MRNIP: variants seen among roughly 807,000 people sequenced by gnomAD.
MRNIP encodes the protein MRN complex interacting protein, also known as MRN complex-interacting protein.
Under a neutral mutation model 29.8 loss-of-function variants are expected in MRNIP, and 30 were observed. The observed-to-expected ratio is 1.01, with a 90% CI of 0.75 to 1.36. The LOEUF (loss-of-function observed/expected upper bound fraction) is 1.36. Ranked by LOEUF, MRNIP falls within the 40% of genes most tolerant of loss-of-function variation. The probability of loss-of-function intolerance (pLI) is 0.00; values close to 1 mark genes in which losing one functional copy is unlikely to be tolerated. For synonymous variants in MRNIP, 201 were observed against 164.1 expected (o/e 1.23, Z -1.72); for missense variants, 459 against 423.5 (o/e 1.08, Z -0.74).
In MRNIP at chr5:179,837,674, A is replaced by G; in HGVS notation, c.749T>C (p.Leu250Pro). 1 of 1,614,170 alleles carries G rather than the reference A, an allele frequency of 6.2e-7. No individual in the cohort carries two copies. Among genetic ancestry groups the G allele is most frequent in the Non-Finnish European group, 8.5e-7 (1 of 1,180,026 alleles). ...SHVDSEQPRS[L>P]QRDPRPAGPA... The stretch of plus-strand genomic sequence containing the variant: ...ACCAGCTGGCCTGGGGTCCCTCTGA[A>G]GAGACCTTGGCTGCTCACTGTCCAC... The change falls in exon 7 of 7, where the codon CTT becomes CCT. Residue 250 changes from leucine to proline, a missense_variant. Coordinates refer to ENST00000292586, the MANE Select transcript of MRNIP (RefSeq NM_016175.4).
chr5:179,845,149 ATT>A (rs900697318), intron 3 of MRNIP, among the ~76,000 whole-genome samples: 1 of 151,780 alleles, frequency 6.6e-6, no homozygotes. Context: ...CATTTCACTA[ATT>A]CTCTCTTCAG....
chr5:179,855,100 C>A lies in MRNIP; in HGVS notation c.67-1663G>T, dbSNP rs562701509. 3.9e-5 allele frequency among the ~76,000 whole-genome samples: 6 copies of A among 152,274 alleles called. No homozygotes were observed. In the South Asian group the frequency reaches 1.2e-3, roughly 32 times the overall value. The stretch of plus-strand genomic sequence containing the variant: ...ATAACTCCTGACCTCAAATGATCTG[C>A]AGACCTCGGCCTCCCAAAGAAAAGC... On this transcript the variant is annotated intron_variant, in intron 1 of 6. Coordinates refer to ENST00000292586, the MANE Select transcript of MRNIP (RefSeq NM_016175.4).
In MRNIP at chr5:179,837,370, T is replaced by G; in HGVS notation, c.*21A>C. 2 of 1,581,650 alleles carry G rather than the reference T, an allele frequency of 1.3e-6. No individual in the cohort carries two copies. The highest frequency in any genetic ancestry group is 1.7e-6 in the Non-Finnish European group (2 of 1,162,876). Reference sequence around the variant, plus strand: ...TCCCTCCTAACAAGTGTATCTCGATTAATAACCTGCCAGTCCCAGATCACA... The same window carrying G: ...TCCCTCCTAACAAGTGTATCTCGATGAATAACCTGCCAGTCCCAGATCACA... On this transcript the variant is annotated 3_prime_UTR_variant, in exon 7 of 7. Transcript: ENST00000292586.
intron 6 of MRNIP, chr5:179,838,912 T>C (rs935806298): frequency 1.3e-5 from 2 of 151,480 alleles, no homozygotes; most frequent in African/African-American, 2.4e-5. Context: ...TGAGGTGTGA[T>C]TGTACCATTG....
In MRNIP at chr5:179,837,407, A is replaced by G; in HGVS notation, c.1016T>C (p.Phe339Ser). Reference sequence around the variant, plus strand: ...AGTCCCAGATCACACATCATCATCGAAGTCTTCCCCAGTTATAAAGAGGTC... The same window carrying G: ...AGTCCCAGATCACACATCATCATCGGAGTCTTCCCCAGTTATAAAGAGGTC... Reference protein sequence around the residue: ...LCDLFITGEDFDDDV With the variant: ...LCDLFITGEDSDDDV The change falls in exon 7 of 7, where the codon TTC becomes TCC. Residue 339 changes from phenylalanine (F) to serine (S), a missense_variant. Coordinates refer to ENST00000292586, the MANE Select transcript of MRNIP (RefSeq NM_016175.4). 1 of 1,593,586 alleles carries G rather than the reference A, an allele frequency of 6.3e-7. No homozygotes were observed. The highest frequency in any genetic ancestry group is 8.6e-7 in the Non-Finnish European group (1 of 1,168,022).
At position 179,858,749 on chromosome 5, in the gene MRNIP, G is replaced by C; in HGVS notation, c.48C>G (p.Arg16=). ...GCCAGACCTGGTGCGCCTGGAAGAG[G>C]CGGCAGCTGCAGCAGCGTAGCACCC... is the stretch of plus-strand genomic sequence containing the variant. ...RSRVLRCCSC[R]LFQAHQVKKS... is the part of the protein sequence containing the mutation. The change falls in exon 1 of 7, where the codon CGC becomes CGG. Residue 16 remains arginine, a synonymous_variant. Transcript: ENST00000292586. The C allele has an allele frequency of 6.5e-7, 1 of 1,532,882 alleles. No homozygotes were observed. Among genetic ancestry groups the C allele is most frequent in the East Asian group, 2.5e-5 (1 of 39,724 alleles). 95.0% of individuals were successfully genotyped at this position (1,532,882 alleles called of 1,614,324 possible). A position where few individuals can be genotyped will look rare whatever the true frequency, so the allele number is the denominator to read the frequency against.
intron 1 of MRNIP, 48 bp downstream of exon 1, chr5:179,858,683 C>A (rs1341123002): frequency 1.6e-6 from 2 of 1,260,752 alleles, no homozygotes; most frequent in African/African-American, 1.5e-5. Flanking sequence ...ACTCCCCGTC[C>A]GCTGTCCCCG....
chr5:179,837,514 G>A lies in MRNIP; in HGVS notation c.909C>T (p.Thr303=), dbSNP rs775618569. The A allele has an allele frequency of 1.9e-6, 3 of 1,614,220 alleles. No homozygotes were observed. In the East Asian group the frequency reaches 6.7e-5, roughly 36 times the overall value. ...CCCAGGGAGTCCTTGCGTCCCATGA[G>A]GTCTTCCCGCAAGGCCTCTCAGACC... ...TSGSERPCGK[T]SWDARTPWAE... The change falls in exon 7 of 7, where the codon ACC becomes ACT. Residue 303 remains threonine (T), a synonymous_variant. Transcript: ENST00000292586.
At position 179,844,161 on chromosome 5, in the gene MRNIP, C is replaced by CACAT; in HGVS notation, c.278_281dup (p.Lys95CysfsTer55). 1 of 1,614,190 alleles carries CACAT rather than the reference C, an allele frequency of 6.2e-7. No individual in the cohort carries two copies. Among genetic ancestry groups the CACAT allele is most frequent in the Non-Finnish European group, 8.5e-7 (1 of 1,180,016 alleles). ...TGGGCCTGAGGCTTACCTGCTGCTT[C>CACAT]ACATTCCCAGCCTGCTGGTGTCCCA... On this transcript the variant is annotated frameshift_variant, in exon 4 of 7. Transcript: ENST00000292586. LOFTEE classifies it high-confidence loss of function.
chr5:179,843,034 G>GAA (rs1758964251), intron 4 of MRNIP, among the ~76,000 whole-genome samples: 1 of 102,794 alleles, frequency 9.7e-6, no homozygotes, highest in African/African-American at 5.7e-5. Flanking sequence ...TCTGTCGAAA[G>GAA]GAGGAAAGAA....
At chr5:179,842,694 C>T (rs568865640) in intron 4 of MRNIP, among the ~76,000 whole-genome samples, 34 of 59,826 alleles carry the variant, frequency 5.7e-4, no homozygotes, top group African/African-American at 2.2e-3. Flanking sequence ...AGCGAGACTC[C>T]GTCTCAAAAA....
chr5:179,855,978 G>A (rs774887736), intron 1 of MRNIP, among the ~76,000 whole-genome samples: 11 of 143,640 alleles, frequency 7.7e-5, no homozygotes, highest in Admixed American at 2.1e-4. Flanking sequence ...GCGTGATCTC[G>A]GCTCACTGCA....
intron 1 of MRNIP, among the ~76,000 whole-genome samples, chr5:179,858,379 C>T (rs1759693090): frequency 1.3e-5 from 2 of 152,070 alleles, no homozygotes; most frequent in Admixed American, 6.5e-5. Flanking sequence ...CGCCGCGGCG[C>T]GCTCGGTCTC....
intron 2 of MRNIP, among the ~76,000 whole-genome samples, chr5:179,848,544 G>A (rs911867174): frequency 6.6e-6 from 1 of 152,100 alleles, no homozygotes; most frequent in Non-Finnish European, 1.5e-5. Flanking sequence ...TGTGTGCCAG[G>A]CCTCATCTTG....
intron 4 of MRNIP, among the ~76,000 whole-genome samples, chr5:179,842,741 G>A (rs1758945703): frequency 7.3e-6 from 1 of 136,172 alleles, no homozygotes; most frequent in Non-Finnish European, 1.6e-5. Context: ...GAACAGAGGG[G>A]TGGAAACATG....
chr5:179,852,055 TG>T (rs1436081590), intron 2 of MRNIP, among the ~76,000 whole-genome samples: 6 of 151,430 alleles, frequency 4.0e-5, no homozygotes, highest in Non-Finnish European at 7.4e-5. Context: ...CGGAGGCAGG[TG>T]GATCATTTGA....
At chr5:179,853,096 G>T in intron 2 of MRNIP, 2 of 692,358 alleles carry the variant, frequency 2.9e-6, no homozygotes, top group Middle Eastern at 2.6e-4. Flanking sequence ...ATCTGTGAGG[G>T]CAAGAATGAC....
chr5:179,846,221 T>C (rs533271078), intron 3 of MRNIP: 15 of 152,328 alleles, frequency 9.8e-5, no homozygotes, highest in African/African-American at 3.6e-4. Context: ...TTTCCTTGAA[T>C]GTTAAATGAT....
intron 4 of MRNIP, among the ~76,000 whole-genome samples, chr5:179,843,829 T>C (rs1437752611): frequency 6.6e-6 from 1 of 152,166 alleles, no homozygotes; most frequent in Non-Finnish European, 1.5e-5. Flanking sequence ...CATTATTCTT[T>C]CCCTCTCAGA....
Sources: allele counts gnomAD v4.1 joint callset (sites outside exome capture counted in the v4.1 genomes callset), GRCh38; gene constraint gnomAD v4.1.1; transcripts MANE v1.5; gene names NCBI Gene and HGNC (gene_info 2026-07-23, HGNC 2026-07-21).